Variants in GALNT13 observed in about 807,000 individuals in gnomAD.
GALNT13 encodes polypeptide N-acetylgalactosaminyltransferase 13.
GALNT13 carries 28 observed loss-of-function variants against 64.2 expected under a neutral mutation model. That is an observed-to-expected ratio of 0.44 (90% CI 0.32 to 0.60). The LOEUF (loss-of-function observed/expected upper bound fraction) is 0.60, where lower values mean the gene tolerates loss of function less well. GALNT13 is among the 20% of genes least tolerant of loss of function. The pLI is 0.05. For synonymous variants in GALNT13, 214 were observed against 224.6 expected (o/e 0.95, Z 0.42); for missense variants, 577 against 669.8 (o/e 0.86, Z 1.53).
At chr2:154,057,355 T>G (rs187817059) in intron 3 of GALNT13, among the ~76,000 whole-genome samples, 1 of 152,286 alleles carries the variant, frequency 6.6e-6, no homozygotes, top group African/African-American at 2.4e-5. Context: ...AAAACAATTT[T>G]AGATTGGCAA....
chr2:153,760,427 T>A, the GALNT13 span, among the ~76,000 whole-genome samples: 1 of 152,054 alleles, frequency 6.6e-6, no homozygotes, highest in African/African-American at 2.4e-5. Flanking sequence ...TAAGTTTTGG[T>A]ATGTTGTGCT....
intron 4 of GALNT13, among the ~76,000 whole-genome samples, chr2:154,216,147 C>T (rs973408161): frequency 3.3e-5 from 5 of 151,974 alleles, no homozygotes; most frequent in African/African-American, 1.2e-4. Context: ...TCCTGTACAA[C>T]ACATCTTATG....
chr2:154,308,364 G>A (rs1251520393), intron 9 of GALNT13, among the ~76,000 whole-genome samples: 1 of 152,072 alleles, frequency 6.6e-6, no homozygotes. Context: ...AAAGTTTAAA[G>A]CCTATATTCA....
the GALNT13 span, chr2:153,478,566 C>G: frequency 6.4e-7 from 1 of 1,573,078 alleles, no homozygotes; most frequent in South Asian, 1.2e-5. Flanking sequence ...CCGGATTCAT[C>G]GCAGGAACGG....
chr2:153,735,670 C>A, the GALNT13 span, among the ~76,000 whole-genome samples: 9 of 152,162 alleles, frequency 5.9e-5, no homozygotes, highest in African/African-American at 1.7e-4. Context: ...GAGGCTCCTT[C>A]AATCTAGAAG....
chr2:153,486,249 A>C, the GALNT13 span, among the ~76,000 whole-genome samples: 6 of 152,144 alleles, frequency 3.9e-5, no homozygotes, highest in Non-Finnish European at 7.4e-5. Context: ...CTTCCTTTTA[A>C]TGAAATTTGT....
chr2:154,021,976 T>G (rs1697540379), intron 3 of GALNT13, among the ~76,000 whole-genome samples: 1 of 152,232 alleles, frequency 6.6e-6, no homozygotes, highest in Non-Finnish European at 1.5e-5. Flanking sequence ...GTTTTTGTTC[T>G]TTGGTTCTGT....
At chr2:154,087,642 C>A (rs1701599767) in intron 3 of GALNT13, among the ~76,000 whole-genome samples, 1 of 151,894 alleles carries the variant, frequency 6.6e-6, no homozygotes, top group Non-Finnish European at 1.5e-5. Flanking sequence ...TCATGTGTCC[C>A]CTAAAATAAT....
chr2:153,652,072 T>G, the GALNT13 span, among the ~76,000 whole-genome samples: 1 of 152,094 alleles, frequency 6.6e-6, no homozygotes, highest in Non-Finnish European at 1.5e-5. Context: ...ATTTCAAAAA[T>G]TTTTTCCACC....
rs575343644 is a variant in GALNT13, at chr2:154,208,348, T to A, written c.312-33682T>A. 3.3e-5 allele frequency among the ~76,000 whole-genome samples: 5 copies of A among 152,338 alleles called. No individual in the cohort carries two copies. The East Asian group carries it at 5.8e-4, about 18-fold the overall frequency. ...TCAGAAAACTAATCTGCATATTGCA[T>A]TTGTATACAAATAAATATATTTTAC... On this transcript the variant is annotated intron_variant, in intron 4 of 12. Coordinates refer to ENST00000392825, the MANE Select transcript of GALNT13 (RefSeq NM_052917.4).
chr2:153,723,418 G>A, the GALNT13 span, among the ~76,000 whole-genome samples: 160 of 149,718 alleles, frequency 1.1e-3, no homozygotes, highest in East Asian at 1.6e-3. Flanking sequence ...CTCTCTCACC[G>A]CTCCTATTCA....
At chr2:153,635,443 C>T in the GALNT13 span, among the ~76,000 whole-genome samples, 7 of 144,520 alleles carry the variant, frequency 4.8e-5, no homozygotes, top group African/African-American at 7.6e-5. Flanking sequence ...TATATATACA[C>T]ACATATATAT....
chr2:153,336,258 G>A, the GALNT13 span, among the ~76,000 whole-genome samples: 4 of 152,184 alleles, frequency 2.6e-5, no homozygotes, highest in East Asian at 3.9e-4. Flanking sequence ...GAGGGCCATC[G>A]TCCTCCAGAC....
the GALNT13 span, among the ~76,000 whole-genome samples, chr2:153,499,504 T>C: frequency 1.3e-5 from 2 of 152,190 alleles, no homozygotes; most frequent in African/African-American, 4.8e-5. Flanking sequence ...ACTGGGGACC[T>C]GCCCCTTTCC....
the GALNT13 span, among the ~76,000 whole-genome samples, chr2:153,465,574 G>A: frequency 7.9e-5 from 12 of 151,610 alleles, no homozygotes; most frequent in African/African-American, 2.7e-4. Flanking sequence ...CCATGAGTCT[G>A]TACCTCAAGG....
chr2:153,974,531 T>C (rs898540677), intron 3 of GALNT13, among the ~76,000 whole-genome samples: 14 of 152,006 alleles, frequency 9.2e-5, no homozygotes, highest in African/African-American at 3.1e-4. Context: ...ATAAAGAAAG[T>C]AGGCAAAATT....
chr2:153,586,876 AG>A, the GALNT13 span, among the ~76,000 whole-genome samples: 1 of 152,124 alleles, frequency 6.6e-6, no homozygotes, highest in African/African-American at 2.4e-5. Context: ...CAATAGCAAG[AG>A]GAACTTTGGA....
the GALNT13 span, among the ~76,000 whole-genome samples, chr2:153,853,050 A>C: frequency 2.6e-5 from 4 of 152,212 alleles, no homozygotes; most frequent in African/African-American, 9.6e-5. Flanking sequence ...TGAAGGCTTG[A>C]GAGCCCCTGG....
chr2:153,171,822 A>T, the GALNT13 span, among the ~76,000 whole-genome samples: 4 of 152,204 alleles, frequency 2.6e-5, no homozygotes, highest in African/African-American at 9.7e-5. Flanking sequence ...AGCCAAATTG[A>T]GTTATTTTCT....
Sources: allele counts gnomAD v4.1 joint callset (sites outside exome capture counted in the v4.1 genomes callset), GRCh38; gene constraint gnomAD v4.1.1; transcripts MANE v1.5; gene names NCBI Gene and HGNC (gene_info 2026-07-23, HGNC 2026-07-21).